The following ZNF532 variants were observed in gnomAD, a reference collection of about 807,000 sequenced individuals.
The protein encoded by ZNF532 is zinc finger protein 532.
In ZNF532, 22 loss-of-function variants were observed where a neutral mutation model predicts 89.3. The observed-to-expected ratio is 0.25, with a 90% CI of 0.18 to 0.35. The LOEUF (loss-of-function observed/expected upper bound fraction) is 0.35. Among genes scored for constraint, ZNF532 ranks in the 10% least tolerant of loss-of-function variants. The pLI, the probability that ZNF532 is intolerant of heterozygous loss-of-function variation, is 1.00. For synonymous variants in ZNF532, 606 were observed against 649.6 expected, an observed-to-expected ratio of 0.93 and a Z score of 1.02; for missense variants, 1,132 against 1,643.4, an observed-to-expected ratio of 0.69 and a Z score of 5.38.
chr18:58,954,014 A>G, intron 7 of ZNF532: 1 of 985,290 alleles, frequency 1.0e-6, no homozygotes, highest in Non-Finnish European at 1.2e-6. Context: ...CTTCACATGC[A>G]CTCCTCCAGA....
At chr18:58,902,989 C>G (rs896530249) in intron 2 of ZNF532, among the ~76,000 whole-genome samples, 7 of 152,160 alleles carry the variant, frequency 4.6e-5, no homozygotes, top group African/African-American at 1.4e-4. Context: ...TTCACTTTCT[C>G]TTCTCAAGAA....
At chr18:58,942,349 CCCTTCCTTCCTT>C (rs1179053195) in intron 5 of ZNF532, among the ~76,000 whole-genome samples, 703 of 43,108 alleles carry the variant, frequency 0.016, 40 homozygotes, top group African/African-American at 0.064. Context: ...CTCCCTCCCT[CCCTTCCTTCCTT>C]CCTTCCTTCC....
intron 2 of ZNF532, among the ~76,000 whole-genome samples, chr18:58,877,694 G>A (rs924765798): frequency 2.0e-5 from 3 of 152,218 alleles, no homozygotes; most frequent in African/African-American, 4.8e-5. Context: ...AGAATCCTGT[G>A]CCTGGCATGG....
chr18:58,953,987 G>A (rs1462331809), intron 7 of ZNF532, 188 bp downstream of exon 7: 2 of 985,250 alleles, frequency 2.0e-6, no homozygotes, highest in African/African-American at 3.5e-5. Flanking sequence ...TCAGTCTTCA[G>A]TTTTCCTGGT....
chr18:58,907,663 GA>G (rs1284741670), intron 2 of ZNF532, among the ~76,000 whole-genome samples: 1 of 152,136 alleles, frequency 6.6e-6, no homozygotes, highest in Non-Finnish European at 1.5e-5. Flanking sequence ...TTCAGGAGAG[GA>G]TGGTCAGGTA....
upstream of ZNF532, chr18:58,864,612 G>A (rs1384052088): frequency 6.7e-6 from 1 of 149,546 alleles, no homozygotes; most frequent in Non-Finnish European, 1.5e-5. Context: ...GGCCCTGAGG[G>A]GCTCTGGGGT....
rs756026101 is a variant in ZNF532 at position 58,984,505 on chromosome 18, G to A, written c.*39G>A. On this transcript the variant is annotated 3_prime_UTR_variant, in exon 10 of 10. Transcript: ENST00000591808. ...ATGAGGAAAATCCCTGTCCACATTG[G>A]AATAAAAAAGACATTTTTGTTACAA... 4 of 1,570,838 alleles carry A rather than the reference G, an allele frequency of 2.5e-6. No individual in the cohort carries two copies. Among genetic ancestry groups the A allele is most frequent in the South Asian group, 2.4e-5 (2 of 83,354 alleles).
chr18:58,982,216 A>G (rs1453356699), intron 9 of ZNF532, among the ~76,000 whole-genome samples: 37 of 152,208 alleles, frequency 2.4e-4, no homozygotes, highest in Non-Finnish European at 2.1e-4. Flanking sequence ...AGGCAGGAGA[A>G]TCGTTTGAAC....
chr18:58,888,138 C>A (rs1458825393), intron 2 of ZNF532, among the ~76,000 whole-genome samples: 1 of 151,808 alleles, frequency 6.6e-6, no homozygotes, highest in Non-Finnish European at 1.5e-5. Context: ...GAATAATAAA[C>A]CACAATCATC....
At chr18:58,953,077 G>C (rs2064381300) in intron 6 of ZNF532, 1 of 155,990 alleles carries the variant, frequency 6.4e-6, no homozygotes, top group Non-Finnish European at 1.4e-5. Flanking sequence ...ATTGATCTTA[G>C]ATGTTTGCTC....
At chr18:58,963,148 C>T (rs964887688) in intron 7 of ZNF532, among the ~76,000 whole-genome samples, 1 of 152,160 alleles carries the variant, frequency 6.6e-6, no homozygotes, top group African/African-American at 2.4e-5. Flanking sequence ...GCAGGGGACA[C>T]AACTCTCTGG....
upstream of ZNF532, chr18:58,862,948 C>T (rs1238015019): frequency 2.0e-5 from 3 of 152,286 alleles, no homozygotes; most frequent in East Asian, 5.8e-4. Context: ...CAGTTGAAGG[C>T]GAAAAGGGCT....
intron 3 of ZNF532, among the ~76,000 whole-genome samples, chr18:58,923,769 T>C (rs900832167): frequency 1.3e-5 from 2 of 152,216 alleles, no homozygotes; most frequent in South Asian, 4.1e-4. Context: ...AAAACACACA[T>C]GACTGCTTAC....
chr18:58,870,247 G>GCTAA (rs1469632085), intron 2 of ZNF532, among the ~76,000 whole-genome samples: 2 of 152,156 alleles, frequency 1.3e-5, no homozygotes, highest in African/African-American at 2.4e-5. Flanking sequence ...TGGGCATTGT[G>GCTAA]CTAAGCACAG....
chr18:58,895,807 G>A (rs1163596744), intron 2 of ZNF532, among the ~76,000 whole-genome samples: 1 of 151,938 alleles, frequency 6.6e-6, no homozygotes, highest in Admixed American at 6.6e-5. Flanking sequence ...AGGGGTGCCA[G>A]ACATTAGAAT....
intron 2 of ZNF532, among the ~76,000 whole-genome samples, chr18:58,867,310 C>T (rs2056561614): frequency 6.6e-6 from 1 of 152,022 alleles, no homozygotes; most frequent in Non-Finnish European, 1.5e-5. Context: ...TGTTCCTCTC[C>T]CTCCCCCTTG....
At chr18:58,939,738 C>T in intron 5 of ZNF532, 117 bp downstream of exon 5, 2 of 942,034 alleles carry the variant, frequency 2.1e-6, no homozygotes, top group Non-Finnish European at 3.1e-6. Context: ...TGCAGCTATG[C>T]CAATTTTGAT....
At chr18:58,888,795 T>A (rs1373384201) in intron 2 of ZNF532, among the ~76,000 whole-genome samples, 752 of 51,668 alleles carry the variant, frequency 0.015, 51 homozygotes, top group East Asian at 0.067. Flanking sequence ...AAAATATATA[T>A]AATTTATATA....
intron 7 of ZNF532, among the ~76,000 whole-genome samples, chr18:58,955,735 C>T (rs1055236284): frequency 5.3e-5 from 8 of 152,184 alleles, no homozygotes; most frequent in Admixed American, 2.6e-4. Context: ...AAAGTAGTTA[C>T]TTACAGAATA....
Sources: allele counts gnomAD v4.1 joint callset (sites outside exome capture counted in the v4.1 genomes callset), GRCh38; gene constraint gnomAD v4.1.1; transcripts MANE v1.5; gene names NCBI Gene and HGNC (gene_info 2026-07-23, HGNC 2026-07-21).